The following HFE variants were observed in gnomAD, a reference collection of about 807,000 sequenced individuals.
The protein encoded by HFE is hereditary hemochromatosis protein.
HFE carries 36 observed loss-of-function variants against 40.9 expected under a neutral mutation model. The observed-to-expected ratio is 0.88, with a 90% CI of 0.67 to 1.16. HFE has a LOEUF of 1.16. Ranked by LOEUF, HFE falls within the 50% of genes most tolerant of loss-of-function variation. HFE has a pLI of 0.00. For missense variants in HFE, 376 were observed against 432.0 expected (o/e 0.87, Z 1.15); for synonymous variants, 157 against 165.4 (o/e 0.95, Z 0.39).
Position 26,093,233 on chromosome 6 carries a change from G to C in HFE, c.1006+1G>C. On this transcript the variant is annotated splice_donor_variant, in intron 5 of 5. Coordinates refer to ENST00000357618, the MANE Select transcript of HFE (RefSeq NM_000410.4). LOFTEE classifies it high-confidence loss of function. ...ATATTAAGGAAGAGGCAGGGTTCAA[G>C]TGAGTAGGAACAAGGGGGAAGTCTC... The C allele has an allele frequency of 3.1e-6, 5 of 1,601,778 alleles. No individual in the cohort carries two copies. The highest frequency in any genetic ancestry group is 3.4e-6 in the Non-Finnish European group (4 of 1,168,774).
Position 26,094,399 on chromosome 6 carries a change from T to C in HFE, c.*173T>C. On this transcript the variant is annotated 3_prime_UTR_variant, in exon 6 of 6. Coordinates refer to ENST00000357618, the MANE Select transcript of HFE (RefSeq NM_000410.4). ...TCATTTCCTCAAAAAGATTTCCCCA[T>C]TTAGGTTTCTGAGTTCCTGCATGCC... 1.4e-6 allele frequency: 1 copy of C among 732,370 alleles called. No individual in the cohort carries two copies. Among genetic ancestry groups the C allele is most frequent in the Admixed American group, 2.0e-5 (1 of 50,048 alleles). The allele number at this position is 732,370 out of a possible 1,614,324, so 45.4% of individuals were successfully genotyped here.
rs774677262 is a variant in HFE at position 26,092,881 on chromosome 6, T to G, written c.813T>G (p.Ala271=). 2 of 1,614,188 alleles carry G rather than the reference T, an allele frequency of 1.2e-6. No homozygotes were observed. Among genetic ancestry groups the G allele is most frequent in the Non-Finnish European group, 1.7e-6 (2 of 1,180,020 alleles). ...DGTYQGWITL[A]VPPGEEQRYT... ...CCTACCAGGGCTGGATAACCTTGGCTGTACCCCCTGGGGAAGAGCAGAGAT... is the reference window on the plus strand; with the variant it reads ...CCTACCAGGGCTGGATAACCTTGGCGGTACCCCCTGGGGAAGAGCAGAGAT... Residue 271 remains alanine, a synonymous_variant, in exon 4 of 6, where the codon GCT becomes GCG. Coordinates refer to ENST00000357618, the MANE Select transcript of HFE (RefSeq NM_000410.4).
rs1383450519 is a variant in HFE at position 26,092,780 on chromosome 6, A to T, written c.712A>T (p.Lys238Ter). ...LNYYPQNITM[K>*]WLKDKQPMDA... ...CTACTACCCCCAGAACATCACCATG[A>T]AGTGGCTGAAGGATAAGCAGCCAAT... The change falls in exon 4 of 6, where the codon AAG (lysine) becomes TAG (stop). Residue 238 changes from lysine (K) to a stop codon, truncating the protein, a stop_gained. Coordinates refer to ENST00000357618, the MANE Select transcript of HFE (RefSeq NM_000410.4). LOFTEE classifies it high-confidence loss of function. The T allele has an allele frequency of 6.2e-7, 1 of 1,614,218 alleles. No individual in the cohort carries two copies. The highest frequency in any genetic ancestry group is 2.2e-5 in the East Asian group (1 of 44,886).
At chr6:26,093,272 C>T (rs776582467) in intron 5 of HFE, 40 bp downstream of exon 5, 109 of 1,397,534 alleles carry the variant, frequency 7.8e-5, no homozygotes, top group Non-Finnish European at 1.0e-4. Flanking sequence ...GTACCTCTGC[C>T]CCAGGGCACA....
At position 26,097,891 on chromosome 6, in the gene HFE, A is replaced by G. The variant is rs937264026; in HGVS notation, c.*3665A>G. 6.6e-6 allele frequency: 1 copy of G among 152,140 alleles called. No individual in the cohort carries two copies. The allele number at this position is 152,140 out of a possible 1,614,324, so 9.4% of individuals were successfully genotyped here. On this transcript the variant is annotated 3_prime_UTR_variant, in exon 6 of 6. Transcript: ENST00000357618. The stretch of plus-strand genomic sequence containing the variant: ...CAAAACACTGTCTCTAAAATCCCCA[A>G]ATTTTTCATAAACTCAGTTTTAAAC...
At chr6:26,089,383 C>T (rs925795224) in intron 1 of HFE, among the ~76,000 whole-genome samples, 16 of 152,070 alleles carry the variant, frequency 1.1e-4, no homozygotes, top group African/African-American at 3.4e-4. Context: ...GTTGTGCAGG[C>T]GCCTGTAGGC....
At chr6:26,089,132 T>TG (rs1561938022) in intron 1 of HFE, among the ~76,000 whole-genome samples, 2 of 37,700 alleles carry the variant, frequency 5.3e-5, no homozygotes, top group Non-Finnish European at 5.2e-5. Flanking sequence ...GGCGTGGGGG[T>TG]GGGAAGGGGG....
In HFE at chr6:26,093,131, C is replaced by T; in HGVS notation, c.905C>T (p.Ser302Phe). ...TTTTCTGTTTTAGAGCCCTCACCGT[C>T]TGGCACCCTAGTCATTGGAGTCATC... ...PLIVIWEPSP[S>F]GTLVIGVISG... Residue 302 changes from serine (S) to phenylalanine (F), a missense_variant, in exon 5 of 6, where the codon TCT (serine) becomes TTT (phenylalanine). Around this residue, in one of 3 missense-constraint regions of HFE, gnomAD observed 173 missense variants for 186.9 expected, o/e 0.93. Coordinates refer to ENST00000357618, the MANE Select transcript of HFE (RefSeq NM_000410.4). 1 of 1,614,142 alleles carries T rather than the reference C, an allele frequency of 6.2e-7. No homozygotes were observed. Among genetic ancestry groups the T allele is most frequent in the South Asian group, 1.1e-5 (1 of 91,086 alleles).
rs776994377 is a variant in HFE, at chr6:26,087,518, T to C, written c.76+2T>C. 3.1e-6 allele frequency: 5 copies of C among 1,611,966 alleles called. No individual in the cohort carries two copies. Among genetic ancestry groups the C allele is most frequent in the Admixed American group, 1.7e-5 (1 of 59,952 alleles). ...CGGTCCTGCAGGGGCGCTTGCTGCG[T>C]GAGTCCGAGGGCTGCGGGCGAACTA... On this transcript the variant is annotated splice_donor_variant, in intron 1 of 5. Coordinates refer to ENST00000357618, the MANE Select transcript of HFE (RefSeq NM_000410.4). LOFTEE classifies it high-confidence loss of function.
chr6:26,090,693 A>G (rs1353430958), intron 1 of HFE, 148 bp from the exon 2 acceptor site: 11 of 864,468 alleles, frequency 1.3e-5, no homozygotes, highest in Non-Finnish European at 2.1e-5. Flanking sequence ...CAGGACTGTC[A>G]TATGGAAGAA....
chr6:26,092,998 A>AT (rs1762837249), intron 4 of HFE, 38 bp downstream of exon 4: 1 of 1,613,716 alleles, frequency 6.2e-7, no homozygotes, highest in African/African-American at 1.3e-5. Flanking sequence ...GAGAAAATCT[A>AT]TTGGGGGTTG....
At chr6:26,092,514 A>G in intron 3 of HFE, 171 bp from the exon 4 acceptor site, 1 of 1,049,718 alleles carries the variant, frequency 9.5e-7, no homozygotes, top group Non-Finnish European at 1.4e-6. Flanking sequence ...TCTCCAAGTG[A>G]CACTGTGTTA....
intron 3 of HFE, among the ~76,000 whole-genome samples, chr6:26,091,790 C>A (rs1762728434): frequency 6.6e-6 from 1 of 152,138 alleles, no homozygotes; most frequent in African/African-American, 2.4e-5. Flanking sequence ...GGTTTAATTT[C>A]TTTTCTCCAT....
rs369769828 is a variant in HFE, at chr6:26,094,809, G to A, written c.*583G>A. On this transcript the variant is annotated 3_prime_UTR_variant, in exon 6 of 6. Coordinates refer to ENST00000357618, the MANE Select transcript of HFE (RefSeq NM_000410.4). ...CAGCTATGAAGGCTGTACACTGCAC[G>A]AATGGAAGAGGCACCTGTCCCAGAA... 3 of 229,866 alleles carry A rather than the reference G, an allele frequency of 1.3e-5. No individual in the cohort carries two copies. Among genetic ancestry groups the A allele is most frequent in the African/African-American group, 4.5e-5 (2 of 44,012 alleles). The allele number at this position is 229,866 out of a possible 1,614,324, so 14.2% of individuals were successfully genotyped here.
chr6:26,087,541 C>G (rs1762362903), intron 1 of HFE, 25 bp downstream of exon 1: 2 of 1,599,480 alleles, frequency 1.3e-6, no homozygotes, highest in Non-Finnish European at 1.7e-6. Flanking sequence ...TGCGGGCGAA[C>G]TAGGGGCGCG....
Position 26,095,766 on chromosome 6 carries a change from T to G in HFE, c.*1540T>G, listed in dbSNP as rs913113061. ...ACCAACTGATCCTCAGCTGTCATGT[T>G]TCCTTTAAAAGTCCCTGAAGGAAGG... On this transcript the variant is annotated 3_prime_UTR_variant, in exon 6 of 6. Coordinates refer to ENST00000357618, the MANE Select transcript of HFE (RefSeq NM_000410.4). 6.6e-6 allele frequency: 1 copy of G among 152,240 alleles called. No homozygotes were observed. The highest frequency in any genetic ancestry group is 6.5e-5 in the Admixed American group (1 of 15,284). 9.4% of individuals were successfully genotyped at this position (152,240 alleles called of 1,614,324 possible).
chr6:26,090,450 A>AAAAC (rs1762608056), intron 1 of HFE, among the ~76,000 whole-genome samples: 1 of 148,858 alleles, frequency 6.7e-6, no homozygotes, highest in Admixed American at 6.7e-5. Context: ...CTCAAAAAAA[A>AAAAC]AAAAAAAAAA....
chr6:26,089,552 T>C (rs1581663261), intron 1 of HFE, among the ~76,000 whole-genome samples: 1 of 151,354 alleles, frequency 6.6e-6, no homozygotes, highest in Non-Finnish European at 1.5e-5. Flanking sequence ...GGTAGTGGAG[T>C]GGGCTGGGTG....
chr6:26,091,122 C>T lies in HFE; in HGVS notation c.340+18C>T. 6 of 1,613,952 alleles carry T rather than the reference C, an allele frequency of 3.7e-6. No homozygotes were observed. Among genetic ancestry groups the T allele is most frequent in the Non-Finnish European group, 4.2e-6 (5 of 1,179,926 alleles). On this transcript the variant is annotated intron_variant, in intron 2 of 5. Transcript: ENST00000357618. ...CAGCAAGGGTATGTGGAGAGGGGGC[C>T]TCACCTTCCTGAGGTTGTCAGAGCT...
Sources: gnomAD v4.1 joint callset for allele counts (sites outside exome capture counted in the v4.1 genomes callset) on GRCh38, gnomAD v4.1.1 for gene constraint, gnomAD v4.1.1 regional missense constraint, MANE v1.5 for transcripts, NCBI Gene and HGNC (gene_info 2026-07-23, HGNC 2026-07-21) for gene names.